Variants in PIR observed in about 807,000 individuals in gnomAD.
The protein encoded by PIR is pirin (iron-binding nuclear protein).
A neutral mutation model predicts 24.2 loss-of-function variants in PIR; 22 were observed. That is an observed-to-expected ratio of 0.91 (90% CI 0.65 to 1.30). PIR has a LOEUF of 1.30. Among genes scored for constraint, PIR ranks in the 50% most tolerant of loss-of-function variants. PIR has a pLI of 0.00. For synonymous variants in PIR, 80 were observed against 79.6 expected (o/e 1.00, Z -0.03); for missense variants, 220 against 220.3 (o/e 1.00, Z 0.01).
At chrX:15,448,065 G>A (rs2147053161) in intron 5 of PIR, among the ~76,000 whole-genome samples, 1 of 111,996 alleles carries the variant, frequency 8.9e-6, no homozygotes, top group Admixed American at 9.5e-5. Context: ...TTAGGGATTA[G>A]GTCAGCAGGG....
chrX:15,420,630 A>G (rs929163714), intron 6 of PIR, among the ~76,000 whole-genome samples: 1 of 111,874 alleles, frequency 8.9e-6, no homozygotes, highest in Non-Finnish European at 1.9e-5. Context: ...CCATTGATAG[A>G]AAATAGCTAA....
intron 3 of PIR, among the ~76,000 whole-genome samples, chrX:15,468,108 C>A (rs1435434420): frequency 8.9e-6 from 1 of 112,468 alleles, no homozygotes; most frequent in Non-Finnish European, 1.9e-5. Flanking sequence ...TCTATGACTA[C>A]CCAAATTTCC....
chrX:15,430,669 G>T (rs1014503943), intron 5 of PIR, among the ~76,000 whole-genome samples: 2 of 111,423 alleles, frequency 1.8e-5, no homozygotes, highest in African/African-American at 6.5e-5. Context: ...GTCCTTCAAA[G>T]ACTTCCCATT....
At chrX:15,408,927 C>G (rs1390949284) in intron 6 of PIR, among the ~76,000 whole-genome samples, 2 of 111,764 alleles carry the variant, frequency 1.8e-5, no homozygotes, top group African/African-American at 6.5e-5. Context: ...TAAATTAAGT[C>G]TCACTAAGAA....
intron 3 of PIR, among the ~76,000 whole-genome samples, chrX:15,466,982 G>T (rs1430269693): frequency 8.9e-6 from 1 of 112,331 alleles, no homozygotes; most frequent in African/African-American, 3.2e-5. Context: ...TTTATTGTCT[G>T]TCTTCATTAA....
At chrX:15,451,972 T>C (rs780902425) in intron 5 of PIR, among the ~76,000 whole-genome samples, 1 of 111,366 alleles carries the variant, frequency 9.0e-6, no homozygotes, top group Non-Finnish European at 1.9e-5. Context: ...CTGAGCTGGG[T>C]CATTATAATC....
chrX:15,390,259 T>C lies in PIR; in HGVS notation c.694-8A>G. 1 of 1,075,668 alleles carries C rather than the reference T, an allele frequency of 9.3e-7. No homozygotes were observed. The highest frequency in any genetic ancestry group is 1.3e-6 in the Non-Finnish European group (1 of 787,354). The allele number at this position is 1,075,668 out of a possible 1,213,427, so 88.6% of individuals were successfully genotyped here. A position where few individuals can be genotyped will look rare whatever the true frequency, so the allele number is the denominator to read the frequency against. On this transcript the variant is annotated splice_region_variant and splice_polypyrimidine_tract_variant and intron_variant, in intron 8 of 9. Coordinates refer to ENST00000380420, the MANE Select transcript of PIR (RefSeq NM_001018109.3). ...GTGGCTTCTCTTGGGATCCTAAAGT[T>C]AACAAAGAAAACATCAAACAATAAG...
At chrX:15,402,532 A>G (rs1394732589) in intron 7 of PIR, among the ~76,000 whole-genome samples, 2 of 111,596 alleles carry the variant, frequency 1.8e-5, no homozygotes, top group Non-Finnish European at 3.8e-5. Context: ...AAACAATCCA[A>G]TTACACTCTT....
In PIR at chrX:15,436,781, T is replaced by C. The variant is rs141981411; in HGVS notation, c.481-10791A>G. Among the ~76,000 whole-genome samples the C allele has an allele frequency of 8.0e-5, 9 of 112,678 alleles. No homozygotes were observed. The East Asian group carries it at 2.2e-3, about 28-fold the overall frequency. The stretch of plus-strand genomic sequence containing the variant: ...ATCAAGATGTAACACGGGAAACTCA[T>C]TGGCAAAGATTTCATAGAGCTCTGG... On this transcript the variant is annotated intron_variant, in intron 5 of 9. Transcript: ENST00000380420.
chrX:15,484,706 A>T (rs1050132268), intron 2 of PIR, among the ~76,000 whole-genome samples: 1 of 111,750 alleles, frequency 8.9e-6, no homozygotes, highest in Non-Finnish European at 1.9e-5. Flanking sequence ...CTTAGACAGA[A>T]ACATGTTATT....
At position 15,455,976 on chromosome X, in the gene PIR, C is replaced by T; in HGVS notation, c.352G>A (p.Val118Ile). Residue 118 changes from valine (V) to isoleucine (I), a missense_variant, in exon 5 of 10, where the codon GTT becomes ATT. Val to Ile is a conservative substitution (Grantham distance 29). Transcript: ENST00000380420. ...ATCTTCTCTGAGCTCCTCAAATTAA[C>T]CCACAGTTGTAGGCCATGGGCTGGC... ...EEPAHGLQLW[V>I]NLRSSEKMVE... 5.8e-6 allele frequency: 7 copies of T among 1,211,171 alleles called. No individual in the cohort carries two copies. Among genetic ancestry groups the T allele is most frequent in the African/African-American group, 1.7e-5 (1 of 57,891 alleles).
intron 5 of PIR, among the ~76,000 whole-genome samples, chrX:15,447,249 T>C (rs1926133241): frequency 8.9e-6 from 1 of 112,119 alleles, no homozygotes; most frequent in South Asian, 3.7e-4. Context: ...TTTGCAGCTA[T>C]CAACAGCATA....
At chrX:15,401,762 A>T (rs112037196) in intron 7 of PIR, among the ~76,000 whole-genome samples, 2,307 of 112,208 alleles carry the variant, frequency 0.021, 64 homozygotes, top group African/African-American at 0.069. Context: ...AACCTATTGT[A>T]AAGTTAGTGC....
chrX:15,393,303 C>T (rs987698455), intron 8 of PIR, among the ~76,000 whole-genome samples: 1 of 112,079 alleles, frequency 8.9e-6, no homozygotes, highest in Non-Finnish European at 1.9e-5. Context: ...TCTGCTGATA[C>T]CAACAATAAA....
At chrX:15,465,275 T>C (rs867800392) in intron 3 of PIR, among the ~76,000 whole-genome samples, 1 of 49,741 alleles carries the variant, frequency 2.0e-5, no homozygotes, top group East Asian at 8.8e-3. Context: ...TTTCAGCCTT[T>C]GGGGAAAAAA....
intron 3 of PIR, among the ~76,000 whole-genome samples, chrX:15,479,347 C>CT (rs200727380): frequency 6.1e-4 from 60 of 98,919 alleles, no homozygotes; most frequent in Non-Finnish European, 6.6e-4. Context: ...TTTTTTCTTT[C>CT]TTTTTTTTTT....
At chrX:15,397,847 AAT>A (rs1163506721) in intron 7 of PIR, among the ~76,000 whole-genome samples, 1 of 112,210 alleles carries the variant, frequency 8.9e-6, no homozygotes, top group East Asian at 2.8e-4. Flanking sequence ...AAGAATTAAA[AAT>A]AGTTAGAAAA....
intron 3 of PIR, among the ~76,000 whole-genome samples, chrX:15,465,824 T>C (rs1240038141): frequency 8.9e-6 from 1 of 111,922 alleles, no homozygotes; most frequent in African/African-American, 3.2e-5. Flanking sequence ...TTCTGAAGAA[T>C]TACAACGCAA....
intron 1 of PIR, among the ~76,000 whole-genome samples, chrX:15,491,646 T>C (rs73635096): frequency 0.055 from 6,155 of 112,066 alleles, 412 homozygotes; most frequent in African/African-American, 0.18. Flanking sequence ...ATGGACTGTA[T>C]GTATGACAGT....
Sources: gnomAD v4.1 joint callset for allele counts (sites outside exome capture counted in the v4.1 genomes callset) on GRCh38, gnomAD v4.1.1 for gene constraint, MANE v1.5 for transcripts, NCBI Gene and HGNC (gene_info 2026-07-23, HGNC 2026-07-21) for gene names.